The following EMC8 variants were observed in gnomAD, a reference collection of about 807,000 sequenced individuals.
EMC8 encodes ER membrane protein complex subunit 8.
Under a neutral mutation model 24.3 loss-of-function variants are expected in EMC8, and 11 were observed. The observed-to-expected ratio is 0.45, with a 90% CI of 0.28 to 0.75. The LOEUF (loss-of-function observed/expected upper bound fraction) is 0.75, where lower values mean the gene tolerates loss of function less well. EMC8 is among the 30% of genes least tolerant of loss of function. The pLI, the probability that EMC8 is intolerant of heterozygous loss-of-function variation, is 0.12. For missense variants in EMC8, 277 were observed against 282.7 expected, an observed-to-expected ratio of 0.98 and a Z score of 0.14; for synonymous variants, 145 against 117.7, an observed-to-expected ratio of 1.23 and a Z score of -1.50.
rs1459930413 is a variant in EMC8 at position 85,779,496 on chromosome 16, G to A, written c.*212C>T. On this transcript the variant is annotated 3_prime_UTR_variant, in exon 5 of 5. Transcript: ENST00000253457. ...CAACATACAACTGAGAGAGTCCACA[G>A]GGACAGTCAGACGGGATGTCTGCAC... The A allele has an allele frequency of 2.3e-5, 12 of 528,188 alleles. No individual in the cohort carries two copies. The highest frequency in any genetic ancestry group is 4.1e-5 in the Non-Finnish European group (12 of 293,208). 32.7% of individuals were successfully genotyped at this position (528,188 alleles called of 1,614,324 possible). A position where few individuals can be genotyped will look rare whatever the true frequency, so the allele number is the denominator to read the frequency against.
chr16:85,790,832 C>G (rs1199889121), intron 1 of EMC8, among the ~76,000 whole-genome samples: 1 of 151,992 alleles, frequency 6.6e-6, no homozygotes, highest in Admixed American at 6.6e-5. Flanking sequence ...TGGCTTAAAA[C>G]AACACTTTTT....
chr16:85,791,948 T>C (rs1328530039), intron 1 of EMC8, among the ~76,000 whole-genome samples: 2 of 152,166 alleles, frequency 1.3e-5, no homozygotes, highest in Non-Finnish European at 2.9e-5. Context: ...TGTGGACATA[T>C]TTGGGGGGTT....
At chr16:85,783,170 A>G (rs1904589570) in intron 2 of EMC8, among the ~76,000 whole-genome samples, 1 of 152,130 alleles carries the variant, frequency 6.6e-6, no homozygotes, top group African/African-American at 2.4e-5. Flanking sequence ...GGGTGTGGTG[A>G]TGCACATCTG....
intron 1 of EMC8, among the ~76,000 whole-genome samples, chr16:85,796,206 C>T (rs1256517448): frequency 1.3e-5 from 2 of 152,110 alleles, no homozygotes; most frequent in Non-Finnish European, 2.9e-5. Context: ...CAGAAGTAAT[C>T]ACCTCCCCTC....
chr16:85,798,069 G>A (rs1408045450), intron 1 of EMC8, among the ~76,000 whole-genome samples: 2 of 146,710 alleles, frequency 1.4e-5, no homozygotes, highest in East Asian at 2.1e-4. Flanking sequence ...ATAAAAGCGT[G>A]TTGGACAGAT....
chr16:85,791,124 AAT>A (rs1904990907), intron 1 of EMC8, among the ~76,000 whole-genome samples: 1 of 83,744 alleles, frequency 1.2e-5, no homozygotes, highest in Non-Finnish European at 3.4e-5. Flanking sequence ...CACCATGCCC[AAT>A]TTTTTTTTTT....
In EMC8 at chr16:85,780,480, A is replaced by G; in HGVS notation, c.379-7T>C. 1 of 1,609,822 alleles carries G rather than the reference A, an allele frequency of 6.2e-7. No homozygotes were observed. The highest frequency in any genetic ancestry group is 1.1e-5 in the South Asian group (1 of 90,864). On this transcript the variant is annotated splice_region_variant and splice_polypyrimidine_tract_variant and intron_variant, in intron 3 of 4. Transcript: ENST00000253457. Reference sequence around the variant, plus strand: ...TAAACTTGGTGTTGTCTACCTGAGCACAAGGCAAAGGACACGAGAGTGAAC... The same window carrying G: ...TAAACTTGGTGTTGTCTACCTGAGCGCAAGGCAAAGGACACGAGAGTGAAC...
chr16:85,779,693 C>G lies in EMC8; in HGVS notation c.*15G>C, dbSNP rs373619712. 2 of 1,612,622 alleles carry G rather than the reference C, an allele frequency of 1.2e-6. No individual in the cohort carries two copies. Among genetic ancestry groups the G allele is most frequent in the Non-Finnish European group, 8.5e-7 (1 of 1,178,722 alleles). ...GTAGTGGAAAGGCCCGGAGCCCAGT[C>G]ACAGCGGTGCCTGCCTAGCACAAGT... On this transcript the variant is annotated 3_prime_UTR_variant, in exon 5 of 5. Coordinates refer to ENST00000253457, the MANE Select transcript of EMC8 (RefSeq NM_006067.5).
chr16:85,795,651 C>T (rs1905218468), intron 1 of EMC8, among the ~76,000 whole-genome samples: 1 of 152,194 alleles, frequency 6.6e-6, no homozygotes, highest in South Asian at 2.1e-4. Context: ...TGCCCCTTTC[C>T]CATACCTCGC....
Position 85,779,067 on chromosome 16 carries a change from T to C in EMC8, c.*641A>G, listed in dbSNP as rs557616623. ...CTCCTGCTACCAGAGATGTCTGCTT[T>C]TGCCCCTAACGATAAAGGCTTCTGT... On this transcript the variant is annotated 3_prime_UTR_variant, in exon 5 of 5. Coordinates refer to ENST00000253457, the MANE Select transcript of EMC8 (RefSeq NM_006067.5). The C allele has an allele frequency of 1.3e-5, 2 of 152,378 alleles. No homozygotes were observed. The highest frequency in any genetic ancestry group is 4.1e-4 in the South Asian group (2 of 4,826). The allele number at this position is 152,378 out of a possible 1,614,324, so 9.4% of individuals were successfully genotyped here. A position where few individuals can be genotyped will look rare whatever the true frequency, so the allele number is the denominator to read the frequency against.
Position 85,791,682 on chromosome 16 carries a change from A to G in EMC8, c.232-2632T>C, listed in dbSNP as rs371219228. On this transcript the variant is annotated intron_variant, in intron 1 of 4. Transcript: ENST00000253457. The stretch of plus-strand genomic sequence containing the variant: ...GCTGTGCTTCTTCAGGATGCTCTAG[A>G]GGAGAATCCTTTTCCTTGCCTTTTC... Among the ~76,000 whole-genome samples the G allele has an allele frequency of 5.3e-5, 8 of 152,300 alleles. No individual in the cohort carries two copies. The South Asian group carries it at 1.4e-3, about 28-fold the overall frequency.
intron 1 of EMC8, among the ~76,000 whole-genome samples, chr16:85,795,547 A>AG (rs1185798314): frequency 4.7e-3 from 1 of 214 alleles, no homozygotes; most frequent in Non-Finnish European, 0.011. Flanking sequence ...GTGGGTCTTA[A>AG]GACCTCCAGG....
chr16:85,788,505 G>C (rs188915373), intron 2 of EMC8, among the ~76,000 whole-genome samples: 12 of 152,368 alleles, frequency 7.9e-5, no homozygotes, highest in South Asian at 2.1e-4. Context: ...GTTGGGGAAG[G>C]ATCTGGATAA....
intron 2 of EMC8, among the ~76,000 whole-genome samples, chr16:85,782,466 G>A (rs572718752): frequency 1.3e-5 from 2 of 151,400 alleles, no homozygotes; most frequent in African/African-American, 4.9e-5. Flanking sequence ...CCTTCTCCTC[G>A]GGGGCCTTAT....
chr16:85,788,079 C>T (rs577287371), intron 2 of EMC8, among the ~76,000 whole-genome samples: 7 of 152,214 alleles, frequency 4.6e-5, no homozygotes, highest in Non-Finnish European at 8.8e-5. Context: ...TCAGGGCAGC[C>T]TGACGCATGC....
intron 1 of EMC8, among the ~76,000 whole-genome samples, chr16:85,795,754 C>T (rs1477661675): frequency 6.6e-6 from 1 of 152,162 alleles, no homozygotes; most frequent in African/African-American, 2.4e-5. Context: ...GTTGCTCCAG[C>T]AAATTAATCA....
intron 1 of EMC8, among the ~76,000 whole-genome samples, chr16:85,794,892 C>A (rs925599791): frequency 3.9e-5 from 6 of 152,192 alleles, no homozygotes; most frequent in Non-Finnish European, 8.8e-5. Flanking sequence ...GAGTGGGCCC[C>A]TGCGGTGCCC....
rs548049050 is a variant in EMC8 at position 85,780,976 on chromosome 16, G to A, written c.378+235C>T. On this transcript the variant is annotated intron_variant, in intron 3 of 4. Coordinates refer to ENST00000253457, the MANE Select transcript of EMC8 (RefSeq NM_006067.5). The stretch of plus-strand genomic sequence containing the variant: ...AATTCGCATTTCTAACAAGTTCCCA[G>A]GTGCTGCGGCTGGCAGGGGACCCCA... 22 of 557,388 alleles carry A rather than the reference G, an allele frequency of 3.9e-5. 1 individual carries two copies. The highest frequency in any genetic ancestry group is 3.2e-4 in the African/African-American group (17 of 53,106). The allele number at this position is 557,388 out of a possible 1,614,324, so 34.5% of individuals were successfully genotyped here. A position where few individuals can be genotyped will look rare whatever the true frequency, so the allele number is the denominator to read the frequency against.
rs557886402 is a variant in EMC8 at position 85,797,198 on chromosome 16, A to C, written c.231+1867T>G. ...GGAGGTGGCCGTATTACTTGAGGTA[A>C]GGAGTTCAAGACCAGCCTGGTCAAC... On this transcript the variant is annotated intron_variant, in intron 1 of 4. Transcript: ENST00000253457. 5.9e-5 allele frequency among the ~76,000 whole-genome samples: 9 copies of C among 152,328 alleles called. No homozygotes were observed. In the South Asian group the frequency reaches 6.2e-4, roughly 11 times the overall value.
Sources: allele counts gnomAD v4.1 joint callset (sites outside exome capture counted in the v4.1 genomes callset), GRCh38; gene constraint gnomAD v4.1.1; transcripts MANE v1.5; gene names NCBI Gene and HGNC (gene_info 2026-07-23, HGNC 2026-07-21).